PRUNE2: variants seen among roughly 807,000 people sequenced by gnomAD.
PRUNE2 encodes the protein prune homolog 2 with BCH domain.
A neutral mutation model predicts 252.0 loss-of-function variants in PRUNE2; 164 were observed. The observed-to-expected ratio is 0.65, with a 90% CI of 0.57 to 0.74. PRUNE2 has a LOEUF of 0.74. PRUNE2 is among the 30% of genes least tolerant of loss of function. The pLI, the probability that PRUNE2 is intolerant of heterozygous loss-of-function variation, is 0.00. For synonymous variants in PRUNE2, 1,292 were observed against 1,350.2 expected (o/e 0.96, Z 0.94); for missense variants, 3,495 against 3,711.0 (o/e 0.94, Z 1.51).
In PRUNE2 at chr9:76,703,789, A is replaced by G. The variant is rs766665269; in HGVS notation, c.7824T>C (p.Gly2608=). The part of the protein sequence containing the change: ...CQPASLNERK[G]LSAEKMSSKS... ...TAGAAGACATTTTCTCTGCAGAGAG[A>G]CCTTTTCTTTCATTTAAGGAGGCTG... Residue 2608 remains glycine (G), a synonymous_variant, in exon 9 of 19, where the codon GGT becomes GGC. Coordinates refer to ENST00000376718, the MANE Select transcript of PRUNE2 (RefSeq NM_015225.3). 12 of 1,613,632 alleles carry G rather than the reference A, an allele frequency of 7.4e-6. No individual in the cohort carries two copies. Among genetic ancestry groups the G allele is most frequent in the Non-Finnish European group, 8.5e-6 (10 of 1,179,838 alleles).
chr9:76,802,641 A>T lies in PRUNE2; in HGVS notation c.756+20991T>A, dbSNP rs147035311. Among the ~76,000 whole-genome samples the T allele has an allele frequency of 3.2e-4, 48 of 152,328 alleles. 2 individuals carry two copies. In the East Asian group the frequency reaches 7.5e-3, roughly 24 times the overall value. On this transcript the variant is annotated intron_variant, in intron 6 of 18. Coordinates refer to ENST00000376718, the MANE Select transcript of PRUNE2 (RefSeq NM_015225.3). ...ACATACATGAATATAAAATGGGAGA[A>T]AGTTTGCAAATATCCAAAACTAAAA... is the stretch of plus-strand genomic sequence containing the variant.
intron 9 of PRUNE2, among the ~76,000 whole-genome samples, chr9:76,657,873 C>T (rs1054818382): frequency 3.9e-5 from 6 of 152,180 alleles, no homozygotes; most frequent in Non-Finnish European, 7.4e-5. Context: ...CCTAGAAATG[C>T]TCCTCAACTC....
At chr9:76,739,715 G>A (rs868851567) in intron 6 of PRUNE2, 32 of 152,156 alleles carry the variant, frequency 2.1e-4, no homozygotes, top group African/African-American at 7.7e-4. Flanking sequence ...AGTTTCAAAA[G>A]CCCTAGAGTT....
At chr9:76,803,483 A>G (rs2056707792) in intron 6 of PRUNE2, among the ~76,000 whole-genome samples, 1 of 152,142 alleles carries the variant, frequency 6.6e-6, no homozygotes, top group Admixed American at 6.5e-5. Context: ...GCCAATCCCC[A>G]TGATTTTTTC....
At chr9:76,897,743 C>G (rs1233525668) in intron 1 of PRUNE2, among the ~76,000 whole-genome samples, 1 of 152,072 alleles carries the variant, frequency 6.6e-6, no homozygotes, top group Non-Finnish European at 1.5e-5. Context: ...CTCACTGAGC[C>G]TCAGTTTTGG....
At position 76,710,732 on chromosome 9, in the gene PRUNE2, G is replaced by C; in HGVS notation, c.1542C>G (p.Asp514Glu). 6.8e-6 allele frequency: 11 copies of C among 1,612,700 alleles called. No individual in the cohort carries two copies. Among genetic ancestry groups the C allele is most frequent in the Non-Finnish European group, 8.5e-6 (10 of 1,179,342 alleles). ...GQSQQSSHSA[D>E]YSPADDFFPN... ...GGAAGAAGTCATCTGCTGGGGAGTA[G>C]TCTGCAGAATGAGAAGATTGCTGGG... The change falls in exon 8 of 19, where the codon GAC (aspartate) becomes GAG (glutamate). Residue 514 changes from aspartate to glutamate, a missense_variant. Physicochemically the swap from Asp to Glu is conservative, Grantham distance 45 (BLOSUM62 2). Transcript: ENST00000376718.
chr9:76,883,566 A>T (rs536050633), intron 1 of PRUNE2, among the ~76,000 whole-genome samples: 23 of 152,352 alleles, frequency 1.5e-4, no homozygotes, highest in Non-Finnish European at 2.8e-4. Context: ...TAGTTACAAT[A>T]TGGCTCCTGA....
chr9:76,624,604 G>A (rs751091914), intron 16 of PRUNE2, 114 bp from the exon 17 acceptor site: 3 of 637,558 alleles, frequency 4.7e-6, no homozygotes, highest in African/African-American at 1.9e-5. Flanking sequence ...TGTGCTTTTC[G>A]AAACTGTCTT....
chr9:76,707,697 C>G lies in PRUNE2; in HGVS notation c.4577G>C (p.Gly1526Ala), dbSNP rs1429409490. 20 of 1,613,878 alleles carry G rather than the reference C, an allele frequency of 1.2e-5. No homozygotes were observed. The highest frequency in any genetic ancestry group is 1.6e-5 in the Non-Finnish European group (19 of 1,179,848). ...KGSENSLPGAGSSGNFDRDTI... is the reference protein window; with the variant it reads ...KGSENSLPGAASSGNFDRDTI... ...ATCTCTGTCAAAATTTCCAGACGAACCGGCTCCTGGAAGGCTATTTTCAGA... is the reference window on the plus strand; with the variant it reads ...ATCTCTGTCAAAATTTCCAGACGAAGCGGCTCCTGGAAGGCTATTTTCAGA... The change falls in exon 8 of 19, where the codon GGT (glycine) becomes GCT (alanine). Residue 1526 changes from glycine (G) to alanine (A), a missense_variant. By Grantham distance (60) the Gly-to-Ala change is moderately conservative. Transcript: ENST00000376718.
chr9:76,702,182 C>T lies in PRUNE2; in HGVS notation c.8276+1155G>A, dbSNP rs531070190. The stretch of plus-strand genomic sequence containing the variant: ...TCAAGCAATTCTCCTGTCTCAGCCT[C>T]CCAAGTAGCTGGGATTACAGGTGCT... On this transcript the variant is annotated intron_variant, in intron 9 of 18. Coordinates refer to ENST00000376718, the MANE Select transcript of PRUNE2 (RefSeq NM_015225.3). 3.3e-5 allele frequency among the ~76,000 whole-genome samples: 5 copies of T among 152,088 alleles called. No individual in the cohort carries two copies. The South Asian group carries it at 8.3e-4, about 25-fold the overall frequency.
At chr9:76,845,889 G>GA (rs1435993172) in intron 4 of PRUNE2, among the ~76,000 whole-genome samples, 2 of 152,194 alleles carry the variant, frequency 1.3e-5, no homozygotes, top group East Asian at 1.9e-4. Flanking sequence ...TTTCTAGCTT[G>GA]AAAACCACTC....
In PRUNE2 at chr9:76,767,711, G is replaced by A. The variant is rs189490504; in HGVS notation, c.757-53990C>T. 3.1e-3 allele frequency among the ~76,000 whole-genome samples: 476 copies of A among 151,974 alleles called. 6 individuals carry two copies. The highest frequency in any genetic ancestry group is 7.4e-4 in the Non-Finnish European group (50 of 68,000). ...ACCCTATTTTGTTTTAATACATATC[G>A]TGCATCTCTCGTGAATCTTTAAATG... On this transcript the variant is annotated intron_variant, in intron 6 of 18. Transcript: ENST00000376718.
chr9:76,755,045 T>C (rs1459863057), intron 6 of PRUNE2, among the ~76,000 whole-genome samples: 1 of 152,048 alleles, frequency 6.6e-6, no homozygotes. Flanking sequence ...TATCGCTCTT[T>C]TTAATATCAT....
Position 76,706,305 on chromosome 9 carries a change from T to C in PRUNE2, c.5969A>G (p.Asn1990Ser). ...NSCVTSNVST[N>S]EGQETNQWEQ... is the part of the protein sequence containing the mutation. ...CCACTGATTTGTTTCTTGACCTTCA[T>C]TAGTTGAAACATTAGATGTAACACA... The change falls in exon 8 of 19, where the codon AAT (asparagine) becomes AGT (serine). Residue 1990 changes from asparagine to serine, a missense_variant. Physicochemically the swap from Asn to Ser is conservative, Grantham distance 46. Coordinates refer to ENST00000376718, the MANE Select transcript of PRUNE2 (RefSeq NM_015225.3). 1.1e-5 allele frequency: 18 copies of C among 1,614,032 alleles called. No homozygotes were observed. The highest frequency in any genetic ancestry group is 1.5e-5 in the Non-Finnish European group (18 of 1,179,870).
At chr9:76,828,092 G>A (rs894548555) in intron 4 of PRUNE2, among the ~76,000 whole-genome samples, 5 of 152,142 alleles carry the variant, frequency 3.3e-5, no homozygotes, top group Non-Finnish European at 2.9e-5. Context: ...CAATAGCAGA[G>A]AATAAGAAAT....
chr9:76,818,835 C>G (rs563544886), intron 6 of PRUNE2, among the ~76,000 whole-genome samples: 44 of 152,304 alleles, frequency 2.9e-4, no homozygotes, highest in African/African-American at 9.9e-4. Context: ...AAAATGACTA[C>G]TGTCACAGTA....
At chr9:76,663,339 G>A (rs1265643424) in intron 9 of PRUNE2, among the ~76,000 whole-genome samples, 1 of 152,070 alleles carries the variant, frequency 6.6e-6, no homozygotes, top group Non-Finnish European at 1.5e-5. Flanking sequence ...GAAGAGAGAT[G>A]AAGGAGGGAG....
chr9:76,855,082 A>AAAAAAAAAAAT (rs1490285240), intron 1 of PRUNE2, among the ~76,000 whole-genome samples: 1 of 109,438 alleles, frequency 9.1e-6, no homozygotes, highest in African/African-American at 3.9e-5. Flanking sequence ...AAAAAAAAAA[A>AAAAAAAAAAAT]ATATATATAT....
intron 9 of PRUNE2, 144 bp downstream of exon 9, chr9:76,703,193 T>G (rs2046033284): frequency 1.5e-6 from 1 of 658,872 alleles, no homozygotes; most frequent in East Asian, 2.8e-5. Context: ...AGTAGCTGCT[T>G]TTACTGATGG....
Sources: gnomAD v4.1 joint callset for allele counts (sites outside exome capture counted in the v4.1 genomes callset) on GRCh38, gnomAD v4.1.1 for gene constraint, MANE v1.5 for transcripts, NCBI Gene and HGNC (gene_info 2026-07-23, HGNC 2026-07-21) for gene names.